LHCGR: variants seen among roughly 807,000 people sequenced by gnomAD.
The protein encoded by LHCGR is lutropin-choriogonadotropic hormone receptor.
In LHCGR, 55 loss-of-function variants were observed where a neutral mutation model predicts 60.7. The ratio of observed to expected loss-of-function variants is 0.91; its 90% CI spans 0.73 to 1.13. LHCGR has a LOEUF of 1.13. LHCGR is among the 50% of genes most tolerant of loss of function. The probability of loss-of-function intolerance (pLI) is 0.00; values close to 1 mark genes in which losing one functional copy is unlikely to be tolerated. For synonymous variants in LHCGR, 337 were observed against 316.5 expected (o/e 1.06, Z -0.69); for missense variants, 862 against 836.0 (o/e 1.03, Z -0.38).
intron 1 of LHCGR, among the ~76,000 whole-genome samples, chr2:48,742,494 C>T (rs1669503826): frequency 6.6e-6 from 1 of 151,874 alleles, no homozygotes; most frequent in South Asian, 2.1e-4. Context: ...CAAACTATCT[C>T]TCAGACCGCA....
intron 1 of LHCGR, among the ~76,000 whole-genome samples, chr2:48,750,542 C>A (rs947369637): frequency 6.6e-6 from 1 of 152,166 alleles, no homozygotes; most frequent in Non-Finnish European, 1.5e-5. Context: ...CCTTCAGAAC[C>A]TATAGCATTT....
At chr2:48,735,738 A>G (rs1212575624) in intron 1 of LHCGR, among the ~76,000 whole-genome samples, 1 of 152,102 alleles carries the variant, frequency 6.6e-6, no homozygotes, top group Non-Finnish European at 1.5e-5. Context: ...TGACGCACCA[A>G]TTTCGCCAAC....
intron 1 of LHCGR, 52 bp downstream of exon 1, chr2:48,755,459 C>A: frequency 1.7e-6 from 2 of 1,157,604 alleles, no homozygotes; most frequent in Admixed American, 2.1e-5. Context: ...TGGCATAGAG[C>A]GATGGAGGGT....
Position 48,688,582 on chromosome 2 carries a change from G to C in LHCGR, c.1215C>G (p.Asp405Glu). 1 of 1,614,172 alleles carries C rather than the reference G, an allele frequency of 6.2e-7. No homozygotes were observed. Among genetic ancestry groups the C allele is most frequent in the Non-Finnish European group, 8.5e-7 (1 of 1,180,036 alleles). The stretch of plus-strand genomic sequence containing the variant: ...GCAGCAGATAGAGCCCCATGCAAAA[G>C]TCTGCAAAGGAGAGATTGCACATGA... ...RFLMCNLSFADFCMGLYLLLI... is the reference protein window; with the variant it reads ...RFLMCNLSFAEFCMGLYLLLI... Residue 405 changes from aspartate to glutamate, a missense_variant, in exon 11 of 11, where the codon GAC becomes GAG. By Grantham distance (45) the Asp-to-Glu change is conservative. Coordinates refer to ENST00000294954, the MANE Select transcript of LHCGR (RefSeq NM_000233.4). The surrounding 1 kb of genome is among the most constrained non-coding windows in gnomAD (Gnocchi z 5.2).
chr2:48,725,847 T>G, intron 3 of LHCGR, 97 bp from the exon 4 acceptor site: 5 of 1,000,804 alleles, frequency 5.0e-6, no homozygotes. Context: ...TGGCTGAAAA[T>G]GGCATCAGCA....
chr2:48,743,118 A>G (rs1224586956), intron 1 of LHCGR, among the ~76,000 whole-genome samples: 1 of 152,236 alleles, frequency 6.6e-6, no homozygotes, highest in African/African-American at 2.4e-5. Flanking sequence ...TCCTTGACAC[A>G]TACACTTTTC....
At chr2:48,731,182 T>C in intron 2 of LHCGR, 45 bp downstream of exon 2, 1 of 1,324,934 alleles carries the variant, frequency 7.5e-7, no homozygotes, top group Non-Finnish European at 1.1e-6. Context: ...AAAAAATTCA[T>C]TATTCCAATT....
rs1414351323 is a variant in LHCGR, at chr2:48,740,550, C to T, written c.162-9252G>A. On this transcript the variant is annotated intron_variant, in intron 1 of 10. Coordinates refer to ENST00000294954, the MANE Select transcript of LHCGR (RefSeq NM_000233.4). ...TCCCTGACCCCTGACCCCTGAGCAG[C>T]CTAACTGGGAGGCACCCCCCAGTAG... Among the ~76,000 whole-genome samples, 17 of 152,274 alleles carry T rather than the reference C, an allele frequency of 1.1e-4. No homozygotes were observed. In the South Asian group the frequency reaches 3.5e-3, roughly 32 times the overall value.
intron 8 of LHCGR, among the ~76,000 whole-genome samples, chr2:48,705,679 T>G (rs1236323687): frequency 7.9e-5 from 12 of 152,224 alleles, no homozygotes. Flanking sequence ...TTTGTTGGTT[T>G]AAAGTCTATT....
rs370098088 is a variant in LHCGR at position 48,697,525 on chromosome 2, C to T, written c.866+1090G>A. On this transcript the variant is annotated intron_variant, in intron 9 of 10. Transcript: ENST00000294954. The stretch of plus-strand genomic sequence containing the variant: ...TTAATGGCACATGACTCTGTGAATA[C>T]AGCAAGTGTTTTGTCTTCTCAGCTA... Among the ~76,000 whole-genome samples, 41 of 152,366 alleles carry T rather than the reference C, an allele frequency of 2.7e-4. No individual in the cohort carries two copies. In the South Asian group the frequency reaches 7.0e-3, roughly 26 times the overall value.
chr2:48,743,650 A>C (rs996543091), intron 1 of LHCGR, among the ~76,000 whole-genome samples: 1 of 152,190 alleles, frequency 6.6e-6, no homozygotes, highest in African/African-American at 2.4e-5. Flanking sequence ...ACAACCCTTC[A>C]TGCTAAAAAC....
In LHCGR at chr2:48,725,733, T is replaced by G; in HGVS notation, c.326A>C (p.Lys109Thr). 6.2e-7 allele frequency: 1 copy of G among 1,612,898 alleles called. No individual in the cohort carries two copies. The highest frequency in any genetic ancestry group is 8.5e-7 in the Non-Finnish European group (1 of 1,179,028). The change falls in exon 4 of 11, where the codon AAA becomes ACA. Residue 109 changes from lysine to threonine, a missense_variant. Physicochemically the swap from Lys to Thr is moderately conservative, Grantham distance 78 (BLOSUM62 -1). Transcript: ENST00000294954. ...NLSEILIQNT[K>T]NLRYIEPGAF... ...TCCGGGCTCAATGTATCTCAGATTT[T>G]TGGTGTTCTGGATCAGTCTGTAAAG...
At chr2:48,748,827 A>T (rs911158706) in intron 1 of LHCGR, among the ~76,000 whole-genome samples, 1 of 152,084 alleles carries the variant, frequency 6.6e-6, no homozygotes, top group Admixed American at 6.5e-5. Flanking sequence ...CAGCAAAGAG[A>T]TTTCATCATT....
chr2:48,708,489 G>C (rs369110293), intron 8 of LHCGR, among the ~76,000 whole-genome samples: 1 of 152,230 alleles, frequency 6.6e-6, no homozygotes, highest in African/African-American at 2.4e-5. Context: ...TTATTAGGGT[G>C]GGCTCTAATC....
chr2:48,743,013 C>T lies in LHCGR; in HGVS notation c.162-11715G>A, dbSNP rs536382812. On this transcript the variant is annotated intron_variant, in intron 1 of 10. Transcript: ENST00000294954. ...CAATAAAAAATGATAAAGGGGATAT[C>T]ACCACCGATCCCACAGAAATACAAA... Among the ~76,000 whole-genome samples the T allele has an allele frequency of 4.6e-5, 7 of 152,220 alleles. No homozygotes were observed. The East Asian group carries it at 1.2e-3, about 25-fold the overall frequency.
chr2:48,710,896 C>T (rs988803403), intron 7 of LHCGR, among the ~76,000 whole-genome samples: 1 of 152,170 alleles, frequency 6.6e-6, no homozygotes, highest in African/African-American at 2.4e-5. Flanking sequence ...ACTGCTCCTC[C>T]CCTGCTACTT....
At chr2:48,714,771 G>A (rs4337523) in intron 6 of LHCGR, among the ~76,000 whole-genome samples, 131,214 of 152,092 alleles carry the variant, frequency 0.86, 56,856 homozygotes, top group Non-Finnish European at 0.9. Flanking sequence ...ACACATACAT[G>A]TATACTTCTA....
intron 8 of LHCGR, among the ~76,000 whole-genome samples, chr2:48,699,357 C>G (rs1667291417): frequency 1.3e-5 from 2 of 152,108 alleles, no homozygotes; most frequent in Admixed American, 1.3e-4. Context: ...TAGCATTTCT[C>G]TCTCTCTCCC....
chr2:48,732,035 T>C (rs1236811139), intron 1 of LHCGR, among the ~76,000 whole-genome samples: 1 of 152,210 alleles, frequency 6.6e-6, no homozygotes. Context: ...AATCTAAATA[T>C]TCTTGAAATT....
Sources: gnomAD v4.1 joint callset for allele counts (sites outside exome capture counted in the v4.1 genomes callset) on GRCh38, gnomAD v4.1.1 for gene constraint, Gnocchi (gnomAD v3.1) non-coding constraint, MANE v1.5 for transcripts, NCBI Gene and HGNC (gene_info 2026-07-23, HGNC 2026-07-21) for gene names.